The following COLGALT2 variants were observed in gnomAD, a reference collection of about 807,000 sequenced individuals.
The protein encoded by COLGALT2 is collagen beta(1-O)galactosyltransferase 2.
Under a neutral mutation model 73.4 loss-of-function variants are expected in COLGALT2, and 49 were observed. The ratio of observed to expected loss-of-function variants is 0.67; its 90% CI spans 0.53 to 0.85. The LOEUF (loss-of-function observed/expected upper bound fraction) is 0.85, where lower values mean the gene tolerates loss of function less well. Among genes scored for constraint, COLGALT2 ranks in the 40% least tolerant of loss-of-function variants. The pLI, the probability that COLGALT2 is intolerant of heterozygous loss-of-function variation, is 0.00. For synonymous variants in COLGALT2, 295 were observed against 307.6 expected, an observed-to-expected ratio of 0.96 and a Z score of 0.43; for missense variants, 722 against 790.2, an observed-to-expected ratio of 0.91 and a Z score of 1.03.
At chr1:184,008,707 G>T (rs1482287898) in intron 1 of COLGALT2, among the ~76,000 whole-genome samples, 1 of 152,124 alleles carries the variant, frequency 6.6e-6, no homozygotes, top group African/African-American at 2.4e-5. Context: ...TCTAGCCTGG[G>T]CAACAGAATT....
intron 6 of COLGALT2, among the ~76,000 whole-genome samples, chr1:183,961,612 G>A (rs1670703686): frequency 6.6e-6 from 1 of 152,154 alleles, no homozygotes; most frequent in Admixed American, 6.5e-5. Flanking sequence ...AGAAACTGAA[G>A]TCCTGAAATC....
chr1:184,003,527 T>C (rs954249961), intron 1 of COLGALT2, among the ~76,000 whole-genome samples: 7 of 152,198 alleles, frequency 4.6e-5, no homozygotes, highest in Non-Finnish European at 1.0e-4. Context: ...CCTCCCAGCC[T>C]TCCAGTCTTT....
At chr1:183,955,392 C>T (rs1042968426) in intron 6 of COLGALT2, among the ~76,000 whole-genome samples, 2 of 152,084 alleles carry the variant, frequency 1.3e-5, no homozygotes, top group Non-Finnish European at 2.9e-5. Flanking sequence ...ACTTTTTTCT[C>T]TGCATTTAAA....
rs769522296 is a variant in COLGALT2, at chr1:183,951,023, C to G, written c.1120G>C (p.Glu374Gln). ...CCAACTCACTTTCCATCCACAGCCTCGACAATCTTGACCTCAATCTCCTGT... is the reference window on the plus strand; with the variant it reads ...CCAACTCACTTTCCATCCACAGCCTGGACAATCTTGACCTCAATCTCCTGT... ...YEQEIEVKIV[E>Q]AVDGKALNTS... is the part of the protein sequence containing the mutation. The change falls in exon 8 of 12, where the codon GAG becomes CAG. Residue 374 changes from glutamate to glutamine, a missense_variant. Glu to Gln is a conservative substitution (Grantham distance 29). Transcript: ENST00000361927. The G allele has an allele frequency of 6.2e-7, 1 of 1,613,274 alleles. No homozygotes were observed.
At chr1:184,030,508 A>G (rs1318491130) in intron 1 of COLGALT2, among the ~76,000 whole-genome samples, 4 of 152,168 alleles carry the variant, frequency 2.6e-5, no homozygotes, top group African/African-American at 9.7e-5. Flanking sequence ...TAATGGTCCT[A>G]CTATACTGTG....
intron 7 of COLGALT2, among the ~76,000 whole-genome samples, chr1:183,953,529 T>C (rs1670469906): frequency 6.6e-6 from 1 of 152,206 alleles, no homozygotes; most frequent in African/African-American, 2.4e-5. Flanking sequence ...TAAGGACACT[T>C]GGGTCCTTTC....
rs1649276140 is a variant in COLGALT2 at position 184,024,627 on chromosome 1, A to G, written c.263+12468T>C. On this transcript the variant is annotated intron_variant, in intron 1 of 11. Transcript: ENST00000361927. ...TGGCCTCCCAAAGTTCTGGGTTTAC[A>G]GGCGTGAGCCACCACACCCAGCCTC... 2.6e-4 allele frequency among the ~76,000 whole-genome samples: 38 copies of G among 147,972 alleles called. 1 individual carries two copies. In the Admixed American group the frequency reaches 2.6e-3, roughly 10 times the overall value.
At chr1:183,942,434 G>C (rs1670141126) in intron 10 of COLGALT2, among the ~76,000 whole-genome samples, 1 of 151,798 alleles carries the variant, frequency 6.6e-6, no homozygotes, top group Non-Finnish European at 1.5e-5. Flanking sequence ...TAAATAAAAT[G>C]TATTAAAACT....
At chr1:183,949,354 G>T (rs776314181) in intron 8 of COLGALT2, among the ~76,000 whole-genome samples, 1 of 152,076 alleles carries the variant, frequency 6.6e-6, no homozygotes, top group South Asian at 2.1e-4. Flanking sequence ...TCATCAAGAC[G>T]GTATAGTACT....
At chr1:183,941,988 G>A (rs964677663) in intron 10 of COLGALT2, among the ~76,000 whole-genome samples, 19 of 148,498 alleles carry the variant, frequency 1.3e-4, no homozygotes, top group African/African-American at 4.2e-4. Context: ...TTGCTCTGTC[G>A]CCCAGGCTGG....
In COLGALT2 at chr1:183,945,557, T is replaced by C. The variant is rs759400909; in HGVS notation, c.1144A>G (p.Asn382Asp). The C allele has an allele frequency of 6.2e-7, 1 of 1,614,146 alleles. No homozygotes were observed. Among genetic ancestry groups the C allele is most frequent in the Non-Finnish European group, 8.5e-7 (1 of 1,180,026 alleles). The part of the protein sequence containing the change: ...IVEAVDGKAL[N>D]TSQLKALNIE... Reference sequence around the variant, plus strand: ...TTCAGTGCCTTCAGCTGGCTTGTGTTGAGTGCCCTGCATCACATAAAACAC... The same window carrying C: ...TTCAGTGCCTTCAGCTGGCTTGTGTCGAGTGCCCTGCATCACATAAAACAC... The change falls in exon 9 of 12, where the codon AAC (asparagine) becomes GAC (aspartate). Residue 382 changes from asparagine to aspartate, a missense_variant. Physicochemically the swap from Asn to Asp is conservative, Grantham distance 23. Transcript: ENST00000361927.
chr1:183,993,785 T>C (rs911892160), intron 1 of COLGALT2, among the ~76,000 whole-genome samples: 5 of 151,220 alleles, frequency 3.3e-5, no homozygotes, highest in African/African-American at 1.2e-4. Context: ...TTTCAGAACA[T>C]GTCGCTGTTA....
intron 1 of COLGALT2, among the ~76,000 whole-genome samples, chr1:184,007,067 T>C (rs1199484173): frequency 6.6e-6 from 1 of 152,208 alleles, no homozygotes; most frequent in Non-Finnish European, 1.5e-5. Context: ...TAACACATCC[T>C]GGTAAGATCA....
chr1:183,942,678 T>G (rs1670147338), intron 10 of COLGALT2, among the ~76,000 whole-genome samples: 1 of 152,250 alleles, frequency 6.6e-6, no homozygotes, highest in Non-Finnish European at 1.5e-5. Context: ...TTTTTTGTTT[T>G]AGAAAATAAC....
intron 1 of COLGALT2, among the ~76,000 whole-genome samples, chr1:183,993,006 C>T (rs911970730): frequency 3.3e-5 from 5 of 152,166 alleles, no homozygotes; most frequent in Admixed American, 6.5e-5. Flanking sequence ...AGGACAGTGC[C>T]TGGCATCAGC....
chr1:184,006,608 T>C (rs1047479588), intron 1 of COLGALT2, among the ~76,000 whole-genome samples: 4 of 150,438 alleles, frequency 2.7e-5, no homozygotes, highest in African/African-American at 9.8e-5. Flanking sequence ...AATAAAATAA[T>C]AATAATAATA....
intron 9 of COLGALT2, 90 bp from the exon 10 acceptor site, chr1:183,944,413 A>C: frequency 7.2e-7 from 1 of 1,394,906 alleles, no homozygotes; most frequent in South Asian, 1.4e-5. Flanking sequence ...TCACGAGTCT[A>C]GTAGCACAGA....
intron 4 of COLGALT2, 129 bp from the exon 5 acceptor site, chr1:183,969,602 ACTC>A (rs1425556690): frequency 1.5e-6 from 1 of 660,684 alleles, no homozygotes; most frequent in Non-Finnish European, 2.4e-6. Flanking sequence ...AGCCACCTTC[ACTC>A]CTCTTATCAT....
At position 183,994,416 on chromosome 1, in the gene COLGALT2, T is replaced by A. The variant is rs562404508; in HGVS notation, c.264-15896A>T. On this transcript the variant is annotated intron_variant, in intron 1 of 11. Transcript: ENST00000361927. ...GATGAGAAAATAGTTACAAAGCTAG[T>A]AAGTAATGGATCCACGATTCAAGCC... Among the ~76,000 whole-genome samples, 280 of 151,778 alleles carry A rather than the reference T, an allele frequency of 1.8e-3. 1 individual carries two copies. Among genetic ancestry groups the A allele is most frequent in the African/African-American group, 6.2e-3 (257 of 41,356 alleles).
Sources: allele counts gnomAD v4.1 joint callset (sites outside exome capture counted in the v4.1 genomes callset), GRCh38; gene constraint gnomAD v4.1.1; transcripts MANE v1.5; gene names NCBI Gene and HGNC (gene_info 2026-07-23, HGNC 2026-07-21).